PTPRM: variants seen among roughly 807,000 people sequenced by gnomAD.
PTPRM encodes receptor-type tyrosine-protein phosphatase mu.
PTPRM carries 47 observed loss-of-function variants against 186.7 expected under a neutral mutation model. That is an observed-to-expected ratio of 0.25 (90% CI 0.20 to 0.32). The LOEUF is 0.32. Ranked by LOEUF, PTPRM falls within the 10% of genes least tolerant of loss-of-function variation. The pLI is 1.00. For missense variants in PTPRM, 1,494 were observed against 1,865.0 expected, an observed-to-expected ratio of 0.80 and a Z score of 3.66; for synonymous variants, 668 against 674.9, an observed-to-expected ratio of 0.99 and a Z score of 0.16.
At chr18:7,630,380 C>T (rs892652074) in intron 1 of PTPRM, among the ~76,000 whole-genome samples, 1 of 151,964 alleles carries the variant, frequency 6.6e-6, no homozygotes, top group Non-Finnish European at 1.5e-5. Context: ...GCCTTGGATT[C>T]CTTGGCCTGG....
chr18:8,401,190 C>G (rs945659708), intron 32 of PTPRM, among the ~76,000 whole-genome samples: 4 of 152,144 alleles, frequency 2.6e-5, no homozygotes, highest in African/African-American at 9.7e-5. Flanking sequence ...CCTGAGCCAC[C>G]CTTTGCTGCC....
intron 7 of PTPRM, among the ~76,000 whole-genome samples, chr18:8,054,922 A>G (rs551235190): frequency 2.0e-5 from 3 of 152,094 alleles, no homozygotes; most frequent in East Asian, 1.9e-4. Context: ...TGACATATTC[A>G]TATTTTCTCT....
At chr18:8,231,439 G>T in intron 14 of PTPRM, among the ~76,000 whole-genome samples, 1 of 152,282 alleles carries the variant, frequency 6.6e-6, no homozygotes, top group South Asian at 2.1e-4. Flanking sequence ...TGTTCTCCTA[G>T]TTGGCAGCAA....
At chr18:8,002,165 A>T (rs2083914463) in intron 7 of PTPRM, among the ~76,000 whole-genome samples, 1 of 152,214 alleles carries the variant, frequency 6.6e-6, no homozygotes, top group East Asian at 1.9e-4. Flanking sequence ...GCATCTGGAA[A>T]GAGTGCCTAA....
intron 31 of PTPRM, among the ~76,000 whole-genome samples, chr18:8,392,662 G>C (rs2095822019): frequency 6.6e-6 from 1 of 151,962 alleles, no homozygotes; most frequent in South Asian, 2.1e-4. Flanking sequence ...CTTGAGGAGA[G>C]AGTGACTGCA....
chr18:7,696,488 A>C (rs1376295094), intron 1 of PTPRM, among the ~76,000 whole-genome samples: 1 of 152,234 alleles, frequency 6.6e-6, no homozygotes, highest in East Asian at 1.9e-4. Flanking sequence ...TGAAATAGTC[A>C]TACATAGAAA....
chr18:7,882,409 A>G (rs989289482), intron 2 of PTPRM, among the ~76,000 whole-genome samples: 3 of 152,130 alleles, frequency 2.0e-5, no homozygotes, highest in Non-Finnish European at 2.9e-5. Context: ...TTGTATCTGC[A>G]TAGGTCAGAT....
intron 7 of PTPRM, among the ~76,000 whole-genome samples, chr18:8,020,794 A>G (rs891578249): frequency 2.0e-5 from 3 of 152,176 alleles, no homozygotes; most frequent in Non-Finnish European, 4.4e-5. Flanking sequence ...CAGCCACCCA[A>G]CACAGTCAAC....
At chr18:7,787,307 T>G (rs1001377270) in intron 2 of PTPRM, among the ~76,000 whole-genome samples, 2 of 152,136 alleles carry the variant, frequency 1.3e-5, no homozygotes, top group Non-Finnish European at 2.9e-5. Context: ...CTGGAAAAAA[T>G]GCTGGGAAGA....
chr18:8,193,285 T>C (rs2093732495), intron 14 of PTPRM, among the ~76,000 whole-genome samples: 2 of 152,164 alleles, frequency 1.3e-5, no homozygotes, highest in Admixed American at 6.5e-5. Context: ...TTGCCTTTAC[T>C]GTGGAGGGGA....
intron 14 of PTPRM, among the ~76,000 whole-genome samples, chr18:8,203,155 C>A (rs2093881154): frequency 6.6e-6 from 1 of 152,160 alleles, no homozygotes; most frequent in African/African-American, 2.4e-5. Flanking sequence ...GGAGGGACTC[C>A]CATCTGATTC....
chr18:8,164,889 A>G (rs548371971), intron 14 of PTPRM, among the ~76,000 whole-genome samples: 1 of 56,008 alleles, frequency 1.8e-5, no homozygotes, highest in African/African-American at 4.7e-5. Context: ...TTCTAAGGCC[A>G]GGCGCAGTGG....
At chr18:8,095,884 C>G (rs936153149) in intron 11 of PTPRM, among the ~76,000 whole-genome samples, 2 of 152,174 alleles carry the variant, frequency 1.3e-5, no homozygotes, top group African/African-American at 4.8e-5. Flanking sequence ...CTAGCAATGA[C>G]TTTCCAATAA....
At chr18:7,737,090 C>T (rs2144462788) in intron 1 of PTPRM, among the ~76,000 whole-genome samples, 1 of 152,202 alleles carries the variant, frequency 6.6e-6, no homozygotes, top group African/African-American at 2.4e-5. Flanking sequence ...AGGCGTGAGC[C>T]ACCACGCCCA....
chr18:8,391,495 G>C lies in PTPRM; in HGVS notation c.4209-2981G>C, dbSNP rs542103873. On this transcript the variant is annotated intron_variant, in intron 31 of 32. Transcript: ENST00000580170. ...GTGAAATAAGCCAGTCTCAGAAGAA[G>C]ACATAGTGTATGGTTCATTTACACA... Among the ~76,000 whole-genome samples the C allele has an allele frequency of 5.4e-4, 83 of 152,312 alleles. 1 individual carries two copies. Among genetic ancestry groups the C allele is most frequent in the Admixed American group, 5.4e-3 (82 of 15,300 alleles).
In PTPRM at chr18:7,621,845, AC is replaced by A. The variant is rs200485530; in HGVS notation, c.73+53956del. On this transcript the variant is annotated intron_variant, in intron 1 of 32. Transcript: ENST00000580170. The stretch of plus-strand genomic sequence containing the variant: ...AATAATACTCTCATCATCTGTATGT[AC>A]CACAGTTTATCCATTCACCTACTGA... 4.6e-5 allele frequency among the ~76,000 whole-genome samples: 7 copies of A among 152,310 alleles called. No homozygotes were observed. In the East Asian group the frequency reaches 1.3e-3, roughly 29 times the overall value.
intron 2 of PTPRM, among the ~76,000 whole-genome samples, chr18:7,779,514 A>G (rs898937616): frequency 1.3e-5 from 2 of 152,206 alleles, no homozygotes; most frequent in African/African-American, 2.4e-5. Flanking sequence ...TTTAGAGTCA[A>G]TTTCACATTT....
intron 29 of PTPRM, among the ~76,000 whole-genome samples, chr18:8,383,071 G>A (rs996142456): frequency 5.9e-5 from 9 of 151,942 alleles, no homozygotes; most frequent in Non-Finnish European, 1.2e-4. Flanking sequence ...AGGCCGAGGC[G>A]GGTGGATCAT....
chr18:8,208,218 A>G (rs938800177), intron 14 of PTPRM, among the ~76,000 whole-genome samples: 2 of 152,230 alleles, frequency 1.3e-5, no homozygotes, highest in African/African-American at 4.8e-5. Flanking sequence ...CAGGCGAGTT[A>G]TCTAAATCCC....
Sources: gnomAD v4.1 joint callset for allele counts (sites outside exome capture counted in the v4.1 genomes callset) on GRCh38, gnomAD v4.1.1 for gene constraint, MANE v1.5 for transcripts, NCBI Gene and HGNC (gene_info 2026-07-23, HGNC 2026-07-21) for gene names.